Variants in SLC9A9 observed in about 807,000 individuals in gnomAD.
The protein encoded by SLC9A9 is solute carrier family 9 member A9.
SLC9A9 carries 62 observed loss-of-function variants against 77.8 expected under a neutral mutation model. The ratio of observed to expected loss-of-function variants is 0.80; its 90% CI spans 0.65 to 0.98. The LOEUF (loss-of-function observed/expected upper bound fraction) is 0.98, where lower values mean the gene tolerates loss of function less well. Ranked by LOEUF, SLC9A9 falls within the 50% of genes least tolerant of loss-of-function variation. SLC9A9 has a pLI of 0.00. For synonymous variants in SLC9A9, 320 were observed against 283.5 expected, an observed-to-expected ratio of 1.13 and a Z score of -1.29; for missense variants, 775 against 774.9, an observed-to-expected ratio of 1.00 and a Z score of 0.00.
At chr3:143,834,888 C>G (rs2009530390) in intron 1 of SLC9A9, among the ~76,000 whole-genome samples, 1 of 152,054 alleles carries the variant, frequency 6.6e-6, no homozygotes, top group African/African-American at 2.4e-5. Context: ...TGAAAATGTA[C>G]CTCCCACTCT....
chr3:143,674,448 T>C (rs1446747100), intron 5 of SLC9A9, among the ~76,000 whole-genome samples: 1 of 152,180 alleles, frequency 6.6e-6, no homozygotes, highest in African/African-American at 2.4e-5. Context: ...GCAGGCAATT[T>C]CACAGGGCCT....
chr3:143,741,478 AAAT>A (rs1935071062), intron 4 of SLC9A9, among the ~76,000 whole-genome samples: 1 of 152,232 alleles, frequency 6.6e-6, no homozygotes. Context: ...GGTAAGAGAC[AAAT>A]CTCTTTATGC....
chr3:143,279,245 T>A lies in SLC9A9; in HGVS notation c.1605-10265A>T, dbSNP rs183189894. On this transcript the variant is annotated intron_variant, in intron 14 of 15. Coordinates refer to ENST00000316549, the MANE Select transcript of SLC9A9 (RefSeq NM_173653.4). ...TCTCTTCTCAGAGCAGTGCCCCACA[T>A]AGAGGTACCAGGGAGGCACTGCTCA... Among the ~76,000 whole-genome samples the A allele has an allele frequency of 9.2e-5, 14 of 152,264 alleles. No homozygotes were observed. In the East Asian group the frequency reaches 2.5e-3, roughly 27 times the overall value.
chr3:143,804,244 T>G (rs896216479), intron 2 of SLC9A9, among the ~76,000 whole-genome samples: 2 of 152,196 alleles, frequency 1.3e-5, no homozygotes, highest in Admixed American at 6.5e-5. Flanking sequence ...TAGCAGTAAT[T>G]ATTGCTTAGG....
At chr3:143,844,752 TCTTTCTTTCTTTC>T (rs1470972730) in intron 1 of SLC9A9, among the ~76,000 whole-genome samples, 13 of 148,686 alleles carry the variant, frequency 8.7e-5, no homozygotes, top group African/African-American at 3.3e-4. Context: ...TTTCTTTCTT[TCTTTCTTTCTTTC>T]TTTCTTTCTT....
chr3:143,440,472 A>G (rs370006475), intron 12 of SLC9A9, among the ~76,000 whole-genome samples: 7 of 152,332 alleles, frequency 4.6e-5, no homozygotes, highest in Admixed American at 2.6e-4. Context: ...GACAAGTCAT[A>G]TACATGAAGG....
At chr3:143,760,651 T>C (rs1428694815) in intron 4 of SLC9A9, among the ~76,000 whole-genome samples, 1 of 152,090 alleles carries the variant, frequency 6.6e-6, no homozygotes, top group African/African-American at 2.4e-5. Context: ...GAAGGACCTC[T>C]TCAAGGAGAA....
intron 6 of SLC9A9, among the ~76,000 whole-genome samples, chr3:143,603,403 G>T (rs1173159542): frequency 6.6e-6 from 1 of 152,132 alleles, no homozygotes; most frequent in African/African-American, 2.4e-5. Context: ...AACAGAATTG[G>T]CTGGAAGTGA....
chr3:143,626,808 T>A (rs1171015369), intron 6 of SLC9A9: 2 of 151,786 alleles, frequency 1.3e-5, no homozygotes, highest in Non-Finnish European at 2.9e-5. Context: ...AAAGGAAAAC[T>A]TACTATCCCA....
At chr3:143,675,647 T>C (rs779338491) in intron 5 of SLC9A9, among the ~76,000 whole-genome samples, 4 of 152,226 alleles carry the variant, frequency 2.6e-5, no homozygotes, top group Non-Finnish European at 5.9e-5. Flanking sequence ...CACAATATCA[T>C]ACTGAGTTTG....
chr3:143,789,523 G>A (rs2008156763), intron 4 of SLC9A9, among the ~76,000 whole-genome samples: 1 of 152,202 alleles, frequency 6.6e-6, no homozygotes, highest in African/African-American at 2.4e-5. Flanking sequence ...GGAAGGCACT[G>A]AGGTACAGAT....
chr3:143,421,293 G>C (rs533101853), intron 12 of SLC9A9, among the ~76,000 whole-genome samples: 46 of 152,152 alleles, frequency 3.0e-4, no homozygotes, highest in African/African-American at 1.1e-3. Flanking sequence ...GAACCAAAAA[G>C]AGCCCAAATA....
intron 12 of SLC9A9, among the ~76,000 whole-genome samples, chr3:143,446,913 T>C (rs2034857104): frequency 6.6e-6 from 1 of 151,820 alleles, no homozygotes; most frequent in African/African-American, 2.4e-5. Context: ...CACACATGTG[T>C]GCACACAATC....
chr3:143,564,033 CACAT>C (rs2037129036), intron 8 of SLC9A9, among the ~76,000 whole-genome samples: 1 of 152,158 alleles, frequency 6.6e-6, no homozygotes, highest in East Asian at 1.9e-4. Context: ...TACTCAAATA[CACAT>C]CTGTCAAAGG....
intron 6 of SLC9A9, 22 bp from the exon 7 acceptor site, chr3:143,578,745 G>A (rs1364368216): frequency 5.0e-6 from 8 of 1,613,744 alleles, no homozygotes; most frequent in Non-Finnish European, 6.8e-6. Context: ...AGAGGGTGGA[G>A]GTTAGTTAGT....
chr3:143,824,317 CA>C (rs1469450223), intron 2 of SLC9A9, among the ~76,000 whole-genome samples: 1 of 151,180 alleles, frequency 6.6e-6, no homozygotes, highest in Non-Finnish European at 1.5e-5. Context: ...AAACCAAAAA[CA>C]AAAAACTGCC....
At chr3:143,418,567 C>G (rs1043627525) in intron 12 of SLC9A9, among the ~76,000 whole-genome samples, 2 of 152,000 alleles carry the variant, frequency 1.3e-5, no homozygotes, top group African/African-American at 4.8e-5. Flanking sequence ...GGTGAGGAGG[C>G]CTGTTGGTTT....
At chr3:143,436,711 C>G (rs1480798046) in intron 12 of SLC9A9, among the ~76,000 whole-genome samples, 4 of 152,218 alleles carry the variant, frequency 2.6e-5, no homozygotes, top group Non-Finnish European at 5.9e-5. Flanking sequence ...GGCTGGCCAG[C>G]TCCAATCTAG....
At chr3:143,323,546 AG>A (rs2031485999) in intron 14 of SLC9A9, among the ~76,000 whole-genome samples, 1 of 152,166 alleles carries the variant, frequency 6.6e-6, no homozygotes, top group South Asian at 2.1e-4. Context: ...AGAGTGTAAA[AG>A]ATAGATAACA....
Sources: gnomAD v4.1 joint callset for allele counts (sites outside exome capture counted in the v4.1 genomes callset) on GRCh38, gnomAD v4.1.1 for gene constraint, MANE v1.5 for transcripts, NCBI Gene and HGNC (gene_info 2026-07-23, HGNC 2026-07-21) for gene names.